SCN1A: variants seen among roughly 807,000 people sequenced by gnomAD.
SCN1A encodes sodium voltage-gated channel alpha subunit 1, also known as sodium channel protein type 1 subunit alpha.
Under a neutral mutation model 193.7 loss-of-function variants are expected in SCN1A, and 13 were observed. That is an observed-to-expected ratio of 0.07 (90% CI 0.04 to 0.11). The LOEUF (loss-of-function observed/expected upper bound fraction) is 0.11, where lower values mean the gene tolerates loss of function less well. SCN1A is among the 10% of genes least tolerant of loss of function. SCN1A has a pLI of 1.00. For missense variants in SCN1A, 1,432 were observed against 2,451.1 expected (o/e 0.58, Z 8.78); for synonymous variants, 781 against 843.6 (o/e 0.93, Z 1.29).
chr2:166,078,762 C>A (rs1238116464), intron 2 of SCN1A, among the ~76,000 whole-genome samples: 3 of 151,518 alleles, frequency 2.0e-5, no homozygotes, highest in Non-Finnish European at 4.4e-5. Flanking sequence ...TCACAAAATT[C>A]ATATAACTAG....
chr2:166,059,971 T>C (rs369522604), intron 4 of SCN1A, among the ~76,000 whole-genome samples: 1 of 152,280 alleles, frequency 6.6e-6, no homozygotes, highest in East Asian at 1.9e-4. Context: ...TGGTTAAGTA[T>C]AGATATGGAG....
At chr2:166,008,625 CAT>C (rs1465810505) in intron 23 of SCN1A, among the ~76,000 whole-genome samples, 1 of 151,090 alleles carries the variant, frequency 6.6e-6, no homozygotes, top group East Asian at 2.0e-4. Context: ...ACAAAGTTTT[CAT>C]ATATGTTAGG....
chr2:166,042,831 T>C (rs1006549559), intron 14 of SCN1A, among the ~76,000 whole-genome samples: 1 of 152,198 alleles, frequency 6.6e-6, no homozygotes. Context: ...GAAGTATAAA[T>C]GATTGCAACA....
Position 166,043,847 on chromosome 2 carries a change from A to G in SCN1A, c.1865T>C (p.Leu622Pro). Reference protein sequence around the residue: ...RRHGERRNSNLSQTSRSSRML... With the variant: ...RRHGERRNSNPSQTSRSSRML... ...CCGGGATGACCTACTGGTCTGACTC[A>G]GGTTGCTGTTGCGTCTCTCTCCGTG... is the stretch of plus-strand genomic sequence containing the variant. The change falls in exon 14 of 29, where the codon CTG becomes CCG. Residue 622 changes from leucine to proline, a missense_variant. Transcript: ENST00000674923. The G allele has an allele frequency of 6.2e-7, 1 of 1,614,210 alleles. No individual in the cohort carries two copies. Among genetic ancestry groups the G allele is most frequent in the Non-Finnish European group, 8.5e-7 (1 of 1,180,026 alleles).
intron 2 of SCN1A, among the ~76,000 whole-genome samples, chr2:166,119,633 C>T (rs1690308362): frequency 6.6e-6 from 1 of 152,132 alleles, no homozygotes; most frequent in African/African-American, 2.4e-5. Context: ...ATTTTCAGAA[C>T]ACCACCAATT....
At chr2:166,139,299 C>G (rs1211197219) in intron 1 of SCN1A, among the ~76,000 whole-genome samples, 2 of 152,056 alleles carry the variant, frequency 1.3e-5, no homozygotes, top group African/African-American at 4.8e-5. Flanking sequence ...GGCTGTGTCC[C>G]CACTGAAATC....
chr2:166,017,121 A>G (rs1693414209), intron 19 of SCN1A, among the ~76,000 whole-genome samples: 2 of 151,496 alleles, frequency 1.3e-5, no homozygotes, highest in South Asian at 4.2e-4. Context: ...AGCTCTGTGA[A>G]TTCAGGTTGA....
In SCN1A at chr2:165,992,503, G is replaced by T; in HGVS notation, c.4853-81C>A. On this transcript the variant is annotated intron_variant, in intron 28 of 28. Coordinates refer to ENST00000674923, the MANE Select transcript of SCN1A (RefSeq NM_001165963.4). The surrounding 1 kb of genome is among the most constrained non-coding windows in gnomAD (Gnocchi z 6.5). ...CATATGTTTCTTCTAAAGCTCCAAG[G>T]TAAGGTTCAGAGTCCTGAACCCAGT... is the stretch of plus-strand genomic sequence containing the variant. The T allele has an allele frequency of 6.5e-7, 1 of 1,528,546 alleles. No homozygotes were observed. Among genetic ancestry groups the T allele is most frequent in the Non-Finnish European group, 9.0e-7 (1 of 1,107,216 alleles). 94.7% of individuals were successfully genotyped at this position (1,528,546 alleles called of 1,614,324 possible).
chr2:166,089,476 T>A (rs1414229951), intron 2 of SCN1A, among the ~76,000 whole-genome samples: 1 of 151,918 alleles, frequency 6.6e-6, no homozygotes, highest in Non-Finnish European at 1.5e-5. Context: ...TATGCATCAA[T>A]GAGACTACTT....
In SCN1A at chr2:166,037,655, CT is replaced by C. The variant is rs67819222; in HGVS notation, c.2946+120del. ...AAAACAGTCACCATTAAATTATACTCTTTTTTTTTATTATACTTTAAGTTTT... is the reference window on the plus strand; with the variant it reads ...AAAACAGTCACCATTAAATTATACTCTTTTTTTTATTATACTTTAAGTTTT... On this transcript the variant is annotated intron_variant, in intron 18 of 28. Transcript: ENST00000674923. The C allele has an allele frequency of 0.012, 10,027 of 860,374 alleles. 525 individuals are homozygous for C. In the African/African-American group the frequency reaches 0.13, roughly 11 times the overall value. 53.3% of individuals were successfully genotyped at this position (860,374 alleles called of 1,614,324 possible).
In SCN1A at chr2:166,045,275, C is replaced by T; in HGVS notation, c.1430G>A (p.Gly477Asp). 1.2e-6 allele frequency: 2 copies of T among 1,614,122 alleles called. No homozygotes were observed. Residue 477 changes from glycine (G) to aspartate (D), a missense_variant, in exon 13 of 29, where the codon GGC becomes GAC. Gly to Asp is a moderately conservative substitution (Grantham distance 94, BLOSUM62 -1). Around this residue, in one of 18 missense-constraint regions of SCN1A, gnomAD observed 58 missense variants for 103.4 expected, o/e 0.56. Transcript: ENST00000674923. ...SEHSREPSAA[G>D]RLSDSSSEAS... ...TTCAGATGAGCTGTCTGAGAGCCTG[C>T]CTGCTGCACTGGGCTCTCTGGAATG... is the stretch of plus-strand genomic sequence containing the variant.
chr2:166,081,883 A>G (rs1004988594), intron 2 of SCN1A, among the ~76,000 whole-genome samples: 21 of 152,070 alleles, frequency 1.4e-4, no homozygotes, highest in African/African-American at 5.1e-4. Context: ...ATCTGACCCT[A>G]GAAGTGATTT....
intron 1 of SCN1A, among the ~76,000 whole-genome samples, chr2:166,139,649 T>A (rs1342526403): frequency 3.9e-5 from 6 of 152,146 alleles, no homozygotes; most frequent in Non-Finnish European, 7.3e-5. Context: ...TACCTGAGAC[T>A]GGGTAATCAT....
intron 4 of SCN1A, among the ~76,000 whole-genome samples, chr2:166,067,277 G>A (rs149645392): frequency 4.5e-4 from 69 of 152,198 alleles, no homozygotes; most frequent in Non-Finnish European, 7.6e-4. Context: ...AGATGGTGAT[G>A]TTGATAAAAA....
At chr2:165,995,971 T>G in intron 27 of SCN1A, 42 bp downstream of exon 27, 1 of 1,327,230 alleles carries the variant, frequency 7.5e-7, no homozygotes, top group African/African-American at 1.4e-5. Flanking sequence ...ATGCAAGTTT[T>G]TGTTTTTGTA....
At position 165,988,981 on chromosome 2, in the gene SCN1A, C is replaced by A. The variant is rs1437263361; in HGVS notation, c.*2264G>T. The A allele has an allele frequency of 1.3e-5, 2 of 152,156 alleles. No individual in the cohort carries two copies. Among genetic ancestry groups the A allele is most frequent in the Non-Finnish European group, 2.9e-5 (2 of 68,058 alleles). The allele number at this position is 152,156 out of a possible 1,614,324, so 9.4% of individuals were successfully genotyped here. ...TCTGGGAGGTCATTACCCCCTACCTCCAGTGACATATCTACCCTAGGTTTT... is the reference window on the plus strand; with the variant it reads ...TCTGGGAGGTCATTACCCCCTACCTACAGTGACATATCTACCCTAGGTTTT... On this transcript the variant is annotated 3_prime_UTR_variant, in exon 29 of 29. Transcript: ENST00000674923.
chr2:166,032,240 C>T (rs922043400), intron 19 of SCN1A, among the ~76,000 whole-genome samples: 3 of 94,636 alleles, frequency 3.2e-5, no homozygotes, highest in African/African-American at 1.4e-4. Flanking sequence ...CACACAGAGA[C>T]AGAGAGAGAA....
chr2:166,110,202 GC>G (rs910632801), intron 2 of SCN1A, among the ~76,000 whole-genome samples: 14 of 151,858 alleles, frequency 9.2e-5, no homozygotes, highest in African/African-American at 3.4e-4. Flanking sequence ...CCCTACAATG[GC>G]CTTTAAGTGT....
At chr2:166,001,780 A>G (rs1312472141) in intron 24 of SCN1A, among the ~76,000 whole-genome samples, 2 of 151,336 alleles carry the variant, frequency 1.3e-5, no homozygotes, top group Non-Finnish European at 1.5e-5. Context: ...TTAGGACAAA[A>G]TAGACTTAAA....
Sources: allele counts gnomAD v4.1 joint callset (sites outside exome capture counted in the v4.1 genomes callset), GRCh38; gene constraint gnomAD v4.1.1; regional missense constraint gnomAD v4.1.1; non-coding constraint Gnocchi (gnomAD v3.1); transcripts MANE v1.5; gene names NCBI Gene and HGNC (gene_info 2026-07-23, HGNC 2026-07-21).